The following NEBL variants were observed in gnomAD, a reference collection of about 807,000 sequenced individuals.
The protein encoded by NEBL is nebulette, also known as LIM and SH3 protein 2.
In NEBL, 122 loss-of-function variants were observed where a neutral mutation model predicts 140.2. That is an observed-to-expected ratio of 0.87 (90% confidence interval 0.75 to 1.01). The LOEUF is 1.01. Among genes scored for constraint, NEBL ranks in the 50% least tolerant of loss-of-function variants. NEBL has a pLI of 0.00. For synonymous variants in NEBL, 436 were observed against 398.9 expected (o/e 1.09, Z -1.11); for missense variants, 1,365 against 1,231.3 (o/e 1.11, Z -1.62).
intron 3 of NEBL, among the ~76,000 whole-genome samples, chr10:21,015,519 TG>T (rs1774293917): frequency 6.6e-6 from 1 of 152,322 alleles, no homozygotes; most frequent in South Asian, 2.1e-4. Context: ...TGGGGTTTTT[TG>T]TTTGTTTCCT....
chr10:20,889,271 T>C lies in NEBL; in HGVS notation c.258+574A>G, dbSNP rs149481807. 4.7e-3 allele frequency among the ~76,000 whole-genome samples: 720 copies of C among 152,320 alleles called. 11 individuals are homozygous for C. The highest frequency in any genetic ancestry group is 0.015 in the African/African-American group (643 of 41,562). On this transcript the variant is annotated intron_variant, in intron 3 of 27. Transcript: ENST00000377122. ...CTTTACAATGCAACATAAACTGTAGTTCTAAATGCTCTCAGAAAGAAACTA... is the reference window on the plus strand; with the variant it reads ...CTTTACAATGCAACATAAACTGTAGCTCTAAATGCTCTCAGAAAGAAACTA...
intron 2 of NEBL, among the ~76,000 whole-genome samples, chr10:21,076,234 G>A (rs1408098533): frequency 6.6e-6 from 1 of 151,866 alleles, no homozygotes; most frequent in Non-Finnish European, 1.5e-5. Context: ...CCTGAGATTA[G>A]GGGTTCAAGA....
Position 21,082,535 on chromosome 10 carries a change from T to TAAAAAAAAAAAAAAAAAAAAAA in NEBL, c.165-62356_165-62335dup, listed in dbSNP as rs61234594. On this transcript the variant is annotated intron_variant, in intron 2 of 6. Coordinates refer to the NEBL transcript ENST00000417816. ...AGTTTGAAGTGTTCCCCACCACCAC[T>TAAAAAAAAAAAAAAAAAAAAAA]AAAAAAAAAAAAAAAAAAAAAAAAA... Among the ~76,000 whole-genome samples the TAAAAAAAAAAAAAAAAAAAAAA allele has an allele frequency of 9.4e-5, 11 of 117,288 alleles. 1 individual carries two copies. Among genetic ancestry groups the TAAAAAAAAAAAAAAAAAAAAAA allele is most frequent in the African/African-American group, 4.4e-4 (11 of 25,262 alleles). The allele number at this position is 117,288 out of a possible 152,430, so 76.9% of individuals were successfully genotyped here. A position where few individuals can be genotyped will look rare whatever the true frequency, so the allele number is the denominator to read the frequency against.
chr10:21,135,523 C>T (rs1010442020), intron 2 of NEBL, among the ~76,000 whole-genome samples: 11 of 152,072 alleles, frequency 7.2e-5, no homozygotes, highest in African/African-American at 1.2e-4. Context: ...GGCCAGGTGA[C>T]GCTGCCAACA....
rs531275649 is a variant in NEBL at position 20,993,540 on chromosome 10, T to C, written c.249+26577A>G. Among the ~76,000 whole-genome samples, 8 of 152,294 alleles carry C rather than the reference T, an allele frequency of 5.3e-5. No homozygotes were observed. In the South Asian group the frequency reaches 1.7e-3, roughly 32 times the overall value. On this transcript the variant is annotated intron_variant, in intron 3 of 6. Transcript: ENST00000417816. ...CTTAGTTTTAGGTTTCAGGGTGGCTTTATTTCTGCTCCACATGTCTCCACA... is the reference window on the plus strand; with the variant it reads ...CTTAGTTTTAGGTTTCAGGGTGGCTCTATTTCTGCTCCACATGTCTCCACA...
intron 3 of NEBL, 107 bp from the exon 4 acceptor site, chr10:20,888,314 T>C (rs1846713359): frequency 1.4e-6 from 1 of 730,992 alleles, no homozygotes; most frequent in Admixed American, 2.6e-5. Context: ...AGAATTGATT[T>C]TAAAATCTGC....
In NEBL at chr10:20,897,110, T is replaced by C; in HGVS notation, c.81+15A>G. On this transcript the variant is annotated intron_variant, in intron 1 of 27. Coordinates refer to ENST00000377122, the MANE Select transcript of NEBL (RefSeq NM_006393.3). Reference sequence around the variant, plus strand: ...AGGAACAAACGCTGGTCTGAGTATGTGTTTTCTCACTCACCTGGTCTTCTT... The same window carrying C: ...AGGAACAAACGCTGGTCTGAGTATGCGTTTTCTCACTCACCTGGTCTTCTT... The C allele has an allele frequency of 4.4e-6, 7 of 1,589,058 alleles. No homozygotes were observed. The highest frequency in any genetic ancestry group is 6.0e-6 in the Non-Finnish European group (7 of 1,157,246).
At chr10:20,918,176 T>C (rs1833399560) in intron 4 of NEBL, among the ~76,000 whole-genome samples, 1 of 151,854 alleles carries the variant, frequency 6.6e-6, no homozygotes, top group Admixed American at 6.6e-5. Flanking sequence ...CTGGCCAACA[T>C]GCTGAAACCC....
intron 2 of NEBL, among the ~76,000 whole-genome samples, chr10:21,090,797 C>T (rs1220629040): frequency 6.6e-6 from 1 of 152,062 alleles, no homozygotes; most frequent in Non-Finnish European, 1.5e-5. Flanking sequence ...TCGTTGCTGG[C>T]CCCTGCTGTT....
Position 20,852,592 on chromosome 10 carries a change from C to A in NEBL, c.961G>T (p.Ala321Ser). ...NKGMYHFDAD[A>S]VEHLHHKGNA... ...CCTTTATGGTGCAGATGTTCCACAG[C>A]ATCTGCATCAAAATGATACATTCCT... Residue 321 changes from alanine to serine, a missense_variant, in exon 10 of 28, where the codon GCT becomes TCT. Ala to Ser is a moderately conservative substitution (Grantham distance 99). Transcript: ENST00000377122. The A allele has an allele frequency of 6.2e-7, 1 of 1,613,876 alleles. No homozygotes were observed. Among genetic ancestry groups the A allele is most frequent in the Admixed American group, 1.7e-5 (1 of 60,012 alleles).
chr10:20,792,377 G>A (rs1836085458), intron 26 of NEBL, among the ~76,000 whole-genome samples: 1 of 152,220 alleles, frequency 6.6e-6, no homozygotes, highest in Non-Finnish European at 1.5e-5. Flanking sequence ...ACTTAATGAG[G>A]TTTTGTTTTT....
chr10:21,005,882 T>C (rs1328550864), intron 3 of NEBL, among the ~76,000 whole-genome samples: 1 of 151,954 alleles, frequency 6.6e-6, no homozygotes, highest in African/African-American at 2.4e-5. Flanking sequence ...CTTTATTTGC[T>C]AGGCTCACCC....
At chr10:21,174,071 G>T (rs1841216169) in exon 1 of NEBL, 1 of 1,073,876 alleles carries the variant, frequency 9.3e-7, no homozygotes, top group Non-Finnish European at 1.1e-6. Flanking sequence ...TCCGGCTCCG[G>T]CTCCGCGCCG....
At chr10:21,018,158 A>G (rs1218039752) in intron 3 of NEBL, among the ~76,000 whole-genome samples, 3 of 152,176 alleles carry the variant, frequency 2.0e-5, no homozygotes, top group Non-Finnish European at 4.4e-5. Flanking sequence ...AACAAATTAA[A>G]TATAGTCATT....
In NEBL at chr10:21,153,674, A is replaced by G. The variant is rs1305527742; in HGVS notation, c.164+18709T>C. Among the ~76,000 whole-genome samples the G allele has an allele frequency of 3.3e-5, 5 of 152,088 alleles. No individual in the cohort carries two copies. In the East Asian group the frequency reaches 9.7e-4, roughly 29 times the overall value. On this transcript the variant is annotated intron_variant, in intron 2 of 6. Coordinates refer to the NEBL transcript ENST00000417816. ...GGGATTACAGATGCACACCACCACA[A>G]CCAGCTAATTTTTGTATTTTCAGTA... is the stretch of plus-strand genomic sequence containing the variant.
At chr10:21,042,686 G>A (rs975518534) in intron 2 of NEBL, among the ~76,000 whole-genome samples, 2 of 152,120 alleles carry the variant, frequency 1.3e-5, no homozygotes, top group African/African-American at 4.8e-5. Context: ...ACAGAAAATC[G>A]CAAACACTGC....
chr10:20,846,483 G>A (rs1349513223), intron 11 of NEBL, among the ~76,000 whole-genome samples: 1 of 152,132 alleles, frequency 6.6e-6, no homozygotes, highest in Non-Finnish European at 1.5e-5. Context: ...AACAAACAAC[G>A]TGGATATAGC....
intron 2 of NEBL, among the ~76,000 whole-genome samples, chr10:21,075,594 G>A (rs1836027286): frequency 6.6e-6 from 1 of 152,206 alleles, no homozygotes; most frequent in African/African-American, 2.4e-5. Flanking sequence ...GCCCAAAAGT[G>A]AGAGGTTGGC....
At position 20,993,590 on chromosome 10, in the gene NEBL, A is replaced by G. The variant is rs184918460; in HGVS notation, c.249+26527T>C. ...ACCCTGCTAGACGGCAGCTATACAG[A>G]ACATGTTCTCACAATGGGTTGCAGG... is the stretch of plus-strand genomic sequence containing the variant. On this transcript the variant is annotated intron_variant, in intron 3 of 6. Transcript: ENST00000417816. Among the ~76,000 whole-genome samples the G allele has an allele frequency of 3.3e-5, 5 of 152,310 alleles. No individual in the cohort carries two copies. The East Asian group carries it at 9.6e-4, about 29-fold the overall frequency.
Sources: gnomAD v4.1 joint callset for allele counts (sites outside exome capture counted in the v4.1 genomes callset) on GRCh38, gnomAD v4.1.1 for gene constraint, MANE v1.5 for transcripts, NCBI Gene and HGNC (gene_info 2026-07-23, HGNC 2026-07-21) for gene names.